The following PJA2 variants were observed in gnomAD, a reference collection of about 807,000 sequenced individuals.
PJA2 encodes the protein E3 ubiquitin-protein ligase Praja-2.
A neutral mutation model predicts 69.3 loss-of-function variants in PJA2; 25 were observed. The ratio of observed to expected loss-of-function variants is 0.36; its 90% CI spans 0.26 to 0.50. PJA2 has a LOEUF of 0.50. PJA2 is among the 20% of genes least tolerant of loss of function. The probability of loss-of-function intolerance (pLI) is 0.96; values close to 1 mark genes in which losing one functional copy is unlikely to be tolerated. For missense variants in PJA2, 809 were observed against 830.2 expected, an observed-to-expected ratio of 0.97 and a Z score of 0.31; for synonymous variants, 308 against 277.8, an observed-to-expected ratio of 1.11 and a Z score of -1.08.
intron 1 of PJA2, among the ~76,000 whole-genome samples, chr5:109,392,397 C>T (rs1747302464): frequency 6.6e-6 from 1 of 151,782 alleles, no homozygotes; most frequent in Non-Finnish European, 1.5e-5. Context: ...CCTGTCTCTA[C>T]TAAAAATACA....
intron 1 of PJA2, among the ~76,000 whole-genome samples, chr5:109,393,711 G>T (rs1044596602): frequency 6.6e-6 from 1 of 151,576 alleles, no homozygotes; most frequent in Non-Finnish European, 1.5e-5. Flanking sequence ...CAACCCAAAT[G>T]TTCAACAGCA....
chr5:109,371,962 G>C (rs574175164), intron 4 of PJA2, among the ~76,000 whole-genome samples: 11 of 152,284 alleles, frequency 7.2e-5, no homozygotes, highest in African/African-American at 2.4e-4. Flanking sequence ...AAGGGTAAGT[G>C]AGTTAATATA....
intron 1 of PJA2, among the ~76,000 whole-genome samples, chr5:109,401,390 C>A (rs1466193719): frequency 1.6e-4 from 24 of 151,982 alleles, no homozygotes; most frequent in Non-Finnish European, 1.5e-5. Context: ...AGTCTAGAAG[C>A]TCAAGGCTAT....
intron 7 of PJA2, among the ~76,000 whole-genome samples, chr5:109,350,668 T>C (rs183875274): frequency 2.6e-4 from 39 of 152,328 alleles, no homozygotes; most frequent in African/African-American, 8.9e-4. Context: ...GATTTTATTA[T>C]TCCCATTTTG....
intron 9 of PJA2, 37 bp downstream of exon 9, chr5:109,344,153 A>G (rs1433681285): frequency 3.1e-6 from 4 of 1,309,676 alleles, no homozygotes; most frequent in Non-Finnish European, 3.1e-6. Context: ...AGACACTATT[A>G]AAGTATTTTT....
intron 1 of PJA2, among the ~76,000 whole-genome samples, chr5:109,389,330 C>T (rs1020327804): frequency 6.6e-6 from 1 of 152,054 alleles, no homozygotes; most frequent in African/African-American, 2.4e-5. Context: ...TTAATAGACA[C>T]AGAACAACTC....
Position 109,337,278 on chromosome 5 carries a change from C to T in PJA2, c.2080G>A (p.Asp694Asn). 1 of 1,613,670 alleles carries T rather than the reference C, an allele frequency of 6.2e-7. No individual in the cohort carries two copies. Among genetic ancestry groups the T allele is most frequent in the South Asian group, 1.1e-5 (1 of 91,048 alleles). ...EASAAPSSEP[D>N]PDAPPSNDSI... ...TCATTTGAAGGTGGGGCATCAGGAT[C>T]AGGCTCAGAGGAAGGAGCTGCAGAT... The change falls in exon 10 of 10, where the codon GAT becomes AAT. Residue 694 changes from aspartate to asparagine, a missense_variant. Asp to Asn is a conservative substitution (Grantham distance 23). Coordinates refer to ENST00000361189, the MANE Select transcript of PJA2 (RefSeq NM_014819.5).
rs1561344827 is a variant in PJA2, at chr5:109,353,416, C to CATCTATATACTAGATACCTATATATAGAT, written c.1764+2498_1764+2499insATCTATATATAGGTATCTAGTATATAGAT. 3.1e-4 allele frequency among the ~76,000 whole-genome samples: 37 copies of CATCTATATACTAGATACCTATATATAGAT among 121,156 alleles called. 1 individual carries two copies. The highest frequency in any genetic ancestry group is 9.2e-4 in the African/African-American group (32 of 34,810). The allele number at this position is 121,156 out of a possible 152,430, so 79.5% of individuals were successfully genotyped here. The stretch of plus-strand genomic sequence containing the variant: ...TATATTAGATACCTATATCTATAGA[C>CATCTATATACTAGATACCTATATATAGAT]ATCTATATATTAGATACCTATATAT... On this transcript the variant is annotated intron_variant, in intron 7 of 9. Coordinates refer to ENST00000361189, the MANE Select transcript of PJA2 (RefSeq NM_014819.5).
chr5:109,393,487 C>A (rs191669353), intron 1 of PJA2, among the ~76,000 whole-genome samples: 4 of 152,124 alleles, frequency 2.6e-5, no homozygotes, highest in Non-Finnish European at 1.5e-5. Flanking sequence ...CAAATGCATA[C>A]CAAGACATAT....
chr5:109,354,508 C>CT (rs1227972293), intron 7 of PJA2, among the ~76,000 whole-genome samples: 1 of 29,856 alleles, frequency 3.3e-5, no homozygotes, highest in Non-Finnish European at 7.0e-5. Flanking sequence ...TCATAGATAT[C>CT]TATATCGATA....
In PJA2 at chr5:109,361,114, C is replaced by T. The variant is rs11241008; in HGVS notation, c.1652+1726G>A. 0.01 allele frequency among the ~76,000 whole-genome samples: 1,558 copies of T among 152,160 alleles called. 76 individuals carry two copies. The East Asian group carries it at 0.14, about 14-fold the overall frequency. On this transcript the variant is annotated intron_variant, in intron 6 of 9. Coordinates refer to ENST00000361189, the MANE Select transcript of PJA2 (RefSeq NM_014819.5). ...CTGCACTCCAGCCTGGGCAACAGAA[C>T]GAGACTCCATCTCAAACAAACAAAC...
rs202199896 is a variant in PJA2 at position 109,404,513 on chromosome 5, C to CA, written c.-88+5328dup. On this transcript the variant is annotated intron_variant, in intron 1 of 9. Coordinates refer to ENST00000361189, the MANE Select transcript of PJA2 (RefSeq NM_014819.5). ...CCTAGCCGACAGAGCAAGACTCTGT[C>CA]AAAAAAAAATAGAAATAAAAATAAA... is the stretch of plus-strand genomic sequence containing the variant. 5.4e-3 allele frequency among the ~76,000 whole-genome samples: 793 copies of CA among 148,000 alleles called. 20 individuals carry two copies. Among genetic ancestry groups the CA allele is most frequent in the East Asian group, 0.038 (191 of 5,062 alleles).
intron 7 of PJA2, among the ~76,000 whole-genome samples, chr5:109,346,195 C>G (rs540058907): frequency 6.6e-6 from 1 of 152,246 alleles, no homozygotes; most frequent in Admixed American, 6.5e-5. Context: ...AGTATTATAT[C>G]CTAATTACAG....
At chr5:109,352,796 G>GATATGT (rs920697043) in intron 7 of PJA2, among the ~76,000 whole-genome samples, 28 of 151,102 alleles carry the variant, frequency 1.9e-4, no homozygotes, top group African/African-American at 6.3e-4. Flanking sequence ...ATCTATATTA[G>GATATGT]ATATGTATAT....
chr5:109,369,164 A>C (rs2127001883), intron 4 of PJA2, among the ~76,000 whole-genome samples: 1 of 152,218 alleles, frequency 6.6e-6, no homozygotes, highest in South Asian at 2.1e-4. Context: ...GAACCAATTA[A>C]ACCTCTTTTC....
At chr5:109,384,907 T>A (rs989682701) in intron 1 of PJA2, among the ~76,000 whole-genome samples, 1 of 152,086 alleles carries the variant, frequency 6.6e-6, no homozygotes, top group African/African-American at 2.4e-5. Flanking sequence ...AACTTCCACC[T>A]CACGGGTTCA....
At chr5:109,346,118 C>T (rs1024665316) in intron 7 of PJA2, among the ~76,000 whole-genome samples, 2 of 152,152 alleles carry the variant, frequency 1.3e-5, no homozygotes, top group Non-Finnish European at 2.9e-5. Context: ...CTAGACTGCA[C>T]GAGTATCCTT....
At chr5:109,350,774 C>T (rs896505864) in intron 7 of PJA2, among the ~76,000 whole-genome samples, 1 of 152,168 alleles carries the variant, frequency 6.6e-6, no homozygotes, top group Admixed American at 6.5e-5. Context: ...TAAACCTCCA[C>T]ATTACAGCCT....
chr5:109,346,279 A>G (rs1420397190), intron 7 of PJA2, among the ~76,000 whole-genome samples: 1 of 152,224 alleles, frequency 6.6e-6, no homozygotes, highest in African/African-American at 2.4e-5. Context: ...AAATTTGACA[A>G]CTATCAAAAC....
Sources: gnomAD v4.1 joint callset for allele counts (sites outside exome capture counted in the v4.1 genomes callset) on GRCh38, gnomAD v4.1.1 for gene constraint, MANE v1.5 for transcripts, NCBI Gene and HGNC (gene_info 2026-07-23, HGNC 2026-07-21) for gene names.